KANK1: variants seen among roughly 807,000 people sequenced by gnomAD.
KANK1 encodes KN motif and ankyrin repeat domains 1.
In KANK1, 109 loss-of-function variants were observed where a neutral mutation model predicts 106.2. The ratio of observed to expected loss-of-function variants is 1.03; its 90% confidence interval spans 0.88 to 1.20. The LOEUF is 1.20. KANK1 is among the 50% of genes most tolerant of loss of function. KANK1 has a pLI of 0.00. For missense variants in KANK1, 2,399 were observed against 1,710.7 expected, an observed-to-expected ratio of 1.40 and a Z score of -7.10; for synonymous variants, 873 against 652.2, an observed-to-expected ratio of 1.34 and a Z score of -5.16.
At chr9:691,151 A>G (rs1366626487) in intron 2 of KANK1, among the ~76,000 whole-genome samples, 8 of 152,166 alleles carry the variant, frequency 5.3e-5, no homozygotes, top group Non-Finnish European at 1.2e-4. Context: ...TTTGCATACA[A>G]TGACTTTTTC....
At chr9:507,556 A>ATTTTTTT (rs755577004) in intron 1 of KANK1, among the ~76,000 whole-genome samples, 1 of 127,418 alleles carries the variant, frequency 7.8e-6, no homozygotes, top group Admixed American at 7.8e-5. Context: ...TGCCCGGCTA[A>ATTTTTTT]TTTTTTTTTT....
In KANK1 at chr9:711,074, G is replaced by T; in HGVS notation, c.308G>T (p.Cys103Phe). The T allele has an allele frequency of 1.9e-6, 3 of 1,614,120 alleles. No homozygotes were observed. The highest frequency in any genetic ancestry group is 2.5e-6 in the Non-Finnish European group (3 of 1,180,028). Reference sequence around the variant, plus strand: ...TCCAACAGTGATGACAACAAGCAGTGCCCCAACTTCCTCATAGCCAGAAGT... The same window carrying T: ...TCCAACAGTGATGACAACAAGCAGTTCCCCAACTTCCTCATAGCCAGAAGT... The part of the protein sequence containing the change: ...SSSNSDDNKQ[C>F]PNFLIARSQV... Residue 103 changes from cysteine (C) to phenylalanine (F), a missense_variant, in exon 3 of 12, where the codon TGC (cysteine) becomes TTC (phenylalanine). Coordinates refer to ENST00000382297, the MANE Select transcript of KANK1 (RefSeq NM_015158.5).
intron 2 of KANK1, among the ~76,000 whole-genome samples, chr9:700,351 A>G (rs1230637367): frequency 6.6e-6 from 1 of 152,242 alleles, no homozygotes; most frequent in African/African-American, 2.4e-5. Flanking sequence ...TGGGTCTCAA[A>G]GAGCTTAGTG....
intron 1 of KANK1, among the ~76,000 whole-genome samples, chr9:653,600 T>G (rs980468644): frequency 6.6e-6 from 1 of 152,066 alleles, no homozygotes; most frequent in Non-Finnish European, 1.5e-5. Flanking sequence ...ACCACAAAAC[T>G]TTGCATTTGA....
chr9:716,816 A>C (rs920249339), intron 3 of KANK1, among the ~76,000 whole-genome samples: 7 of 152,164 alleles, frequency 4.6e-5, no homozygotes, highest in Non-Finnish European at 8.8e-5. Flanking sequence ...CTCTACAAAA[A>C]AATTTTTTTT....
At chr9:610,170 A>C (rs533326107) in intron 1 of KANK1, among the ~76,000 whole-genome samples, 1 of 152,330 alleles carries the variant, frequency 6.6e-6, no homozygotes, top group East Asian at 1.9e-4. Flanking sequence ...CGATAAGTTC[A>C]CAGGAATAAC....
intron 1 of KANK1, among the ~76,000 whole-genome samples, chr9:607,669 C>G (rs1156445729): frequency 6.6e-6 from 1 of 151,622 alleles, no homozygotes; most frequent in African/African-American, 2.4e-5. Flanking sequence ...GTTCTCTTCA[C>G]CCAGCCCAGC....
intron 5 of KANK1, 29 bp downstream of exon 5, chr9:731,295 A>C (rs1255684312): frequency 7.4e-7 from 1 of 1,343,858 alleles, no homozygotes; most frequent in East Asian, 2.3e-5. Context: ...TCTAGAGGCT[A>C]ATGCTGTCAG....
At chr9:694,706 G>T (rs999817420) in intron 2 of KANK1, among the ~76,000 whole-genome samples, 1 of 152,008 alleles carries the variant, frequency 6.6e-6, no homozygotes, top group Non-Finnish European at 1.5e-5. Flanking sequence ...AACCCTTTCC[G>T]CTGTCTTCCC....
intron 1 of KANK1, among the ~76,000 whole-genome samples, chr9:604,662 C>G (rs1828636242): frequency 6.6e-6 from 1 of 151,682 alleles, no homozygotes; most frequent in South Asian, 2.1e-4. Flanking sequence ...CGAAACCTGT[C>G]TCTACTGAAA....
intron 9 of KANK1, among the ~76,000 whole-genome samples, chr9:741,220 A>G (rs1047759194): frequency 1.1e-4 from 17 of 149,922 alleles, no homozygotes; most frequent in Non-Finnish European, 2.5e-4. Flanking sequence ...CATATAAATG[A>G]TTGCGCATCC....
chr9:648,390 A>T (rs10975573), intron 1 of KANK1, among the ~76,000 whole-genome samples: 67,219 of 151,648 alleles, frequency 0.44, 18,293 homozygotes, highest in African/African-American at 0.75. Flanking sequence ...ATATTTAAAA[A>T]CTATGCCGTA....
chr9:534,728 A>G (rs1043165333), intron 1 of KANK1, among the ~76,000 whole-genome samples: 1 of 152,226 alleles, frequency 6.6e-6, no homozygotes, highest in African/African-American at 2.4e-5. Context: ...AGATGTTTCT[A>G]GTGCCTTTTT....
intron 1 of KANK1, among the ~76,000 whole-genome samples, chr9:533,586 A>G (rs1468167521): frequency 6.6e-6 from 1 of 152,232 alleles, no homozygotes; most frequent in Non-Finnish European, 1.5e-5. Context: ...AATCCTGAAT[A>G]GTTTTTACTG....
intron 2 of KANK1, chr9:693,579 A>G (rs1820500725): frequency 1.0e-6 from 1 of 985,222 alleles, no homozygotes; most frequent in African/African-American, 1.7e-5. Context: ...TTGCTGTCTC[A>G]CTGACGCCAA....
intron 1 of KANK1, among the ~76,000 whole-genome samples, chr9:595,421 G>A (rs767802195): frequency 6.6e-6 from 1 of 151,930 alleles, no homozygotes; most frequent in Non-Finnish European, 1.5e-5. Context: ...CTCCAAACTT[G>A]AGCGTTGCAA....
intron 1 of KANK1, among the ~76,000 whole-genome samples, chr9:516,017 A>G (rs1008547675): frequency 5.3e-5 from 8 of 151,772 alleles, no homozygotes; most frequent in Middle Eastern, 3.2e-3. Context: ...TAGGAATCCA[A>G]CATGCAGCTG....
chr9:610,660 G>A (rs1563856770), intron 1 of KANK1, among the ~76,000 whole-genome samples: 2 of 152,260 alleles, frequency 1.3e-5, no homozygotes, highest in Middle Eastern at 3.4e-3. Flanking sequence ...GGGTTTAAGG[G>A]CCATTGAAGA....
chr9:583,932 T>C (rs966783175), intron 1 of KANK1, among the ~76,000 whole-genome samples: 2 of 152,044 alleles, frequency 1.3e-5, no homozygotes, highest in Non-Finnish European at 1.5e-5. Flanking sequence ...AAAATAACAT[T>C]ACCCATTGTT....
Sources: allele counts gnomAD v4.1 joint callset (sites outside exome capture counted in the v4.1 genomes callset), GRCh38; gene constraint gnomAD v4.1.1; transcripts MANE v1.5; gene names NCBI Gene and HGNC (gene_info 2026-07-23, HGNC 2026-07-21).